ALAS1: variants seen among roughly 807,000 people sequenced by gnomAD.
The protein encoded by ALAS1 is 5'-aminolevulinate synthase 1, also known as 5-aminolevulinate synthase, non-specific, mitochondrial.
ALAS1 carries 29 observed loss-of-function variants against 59.6 expected under a neutral mutation model. That is an observed-to-expected ratio of 0.49 (90% CI 0.36 to 0.66). The LOEUF is 0.66. ALAS1 is among the 30% of genes least tolerant of loss of function. The pLI is 0.00. For missense variants in ALAS1, 690 were observed against 807.5 expected (o/e 0.85, Z 1.76); for synonymous variants, 299 against 296.6 (o/e 1.01, Z -0.08).
At chr3:52,205,011 AG>A in intron 6 of ALAS1, 96 bp downstream of exon 6, 2 of 1,037,808 alleles carry the variant, frequency 1.9e-6, no homozygotes, top group Non-Finnish European at 2.9e-6. Context: ...AACATTCAGT[AG>A]CTGAAAGTGT....
rs1699298961 is a variant in ALAS1 at position 52,206,745 on chromosome 3, A to G, written c.1159A>G (p.Met387Val). The G allele has an allele frequency of 6.2e-7, 1 of 1,614,086 alleles. No individual in the cohort carries two copies. Among genetic ancestry groups the G allele is most frequent in the Non-Finnish European group, 8.5e-7 (1 of 1,179,974 alleles). Residue 387 changes from methionine to valine, a missense_variant, in exon 8 of 12, where the codon ATG (methionine) becomes GTG (valine). Met to Val is a conservative substitution (Grantham distance 21). Transcript: ENST00000484952. Reference sequence around the variant, plus strand: ...TGTGGCATTTGAAACTGTCCATTCAATGGATGGTAAGTGTGGATAGAGGTT... The same window carrying G: ...TGTGGCATTTGAAACTGTCCATTCAGTGGATGGTAAGTGTGGATAGAGGTT... ...KIVAFETVHS[M>V]DGAVCPLEEL...
intron 8 of ALAS1, among the ~76,000 whole-genome samples, chr3:52,207,105 G>A (rs545245572): frequency 1.4e-4 from 21 of 151,076 alleles, no homozygotes; most frequent in East Asian, 7.8e-4. Context: ...CTGGGTTCAC[G>A]CCATTCTCCT....
At chr3:52,203,237 C>G (rs1381831845) in intron 4 of ALAS1, among the ~76,000 whole-genome samples, 6 of 152,120 alleles carry the variant, frequency 3.9e-5, no homozygotes, top group African/African-American at 1.4e-4. Context: ...AAATTGTTTT[C>G]TATGAAGAAA....
At position 52,208,156 on chromosome 3, in the gene ALAS1, C is replaced by T; in HGVS notation, c.1239C>T (p.Val413=). 1 of 1,612,856 alleles carries T rather than the reference C, an allele frequency of 6.2e-7. No individual in the cohort carries two copies. Among genetic ancestry groups the T allele is most frequent in the Non-Finnish European group, 8.5e-7 (1 of 1,179,322 alleles). ...EFGAITFVDE[V]HAVGLYGARG... ...GAGCAATCACCTTCGTGGATGAGGT[C>T]CACGCAGTGGGGCTTTATGGGGCTC... Residue 413 remains valine, a synonymous_variant, in exon 9 of 12, where the codon GTC becomes GTT. Transcript: ENST00000484952.
chr3:52,213,097 C>T (rs1243174140), intron 11 of ALAS1, among the ~76,000 whole-genome samples: 1 of 152,200 alleles, frequency 6.6e-6, no homozygotes, highest in South Asian at 2.1e-4. Context: ...CACCACTGCC[C>T]TCTACTCCAT....
intron 11 of ALAS1, among the ~76,000 whole-genome samples, chr3:52,212,796 G>T (rs1164401769): frequency 1.3e-5 from 2 of 152,178 alleles, no homozygotes; most frequent in Non-Finnish European, 2.9e-5. Flanking sequence ...CTTCCAAAGT[G>T]CTGGGATTAC....
intron 5 of ALAS1, 151 bp from the exon 6 acceptor site, chr3:52,204,542 G>T: frequency 1.5e-6 from 1 of 667,770 alleles, no homozygotes; most frequent in Non-Finnish European, 2.6e-6. Flanking sequence ...AGCCAAACAC[G>T]ACATACAGTC....
intron 6 of ALAS1, 92 bp downstream of exon 6, chr3:52,205,007 C>T: frequency 1.8e-6 from 2 of 1,085,912 alleles, no homozygotes; most frequent in Non-Finnish European, 2.7e-6. Flanking sequence ...AGGGAACATT[C>T]AGTAGCTGAA....
chr3:52,212,698 AT>A (rs1180066305), intron 11 of ALAS1, among the ~76,000 whole-genome samples: 1 of 151,716 alleles, frequency 6.6e-6, no homozygotes, highest in East Asian at 1.9e-4. Flanking sequence ...CGCCTGGCTG[AT>A]TTTGTATTTT....
At position 52,211,467 on chromosome 3, in the gene ALAS1, G is replaced by A. The variant is rs772796660; in HGVS notation, c.1515G>A (p.Gln505=). The A allele has an allele frequency of 2.5e-6, 4 of 1,614,242 alleles. No individual in the cohort carries two copies. The highest frequency in any genetic ancestry group is 3.4e-6 in the Non-Finnish European group (4 of 1,180,042). The change falls in exon 10 of 12, where the codon CAG becomes CAA. Residue 505 remains glutamine, a synonymous_variant. Transcript: ENST00000484952. ...GACGGGTGCTTCGCCGCCAGCACCAGCGCAACGTCAAACTCATGAGACAGA... is the reference window on the plus strand; with the variant it reads ...GACGGGTGCTTCGCCGCCAGCACCAACGCAACGTCAAACTCATGAGACAGA... ...AEGRVLRRQH[Q]RNVKLMRQML...
At chr3:52,205,693 T>C in intron 6 of ALAS1, 146 bp from the exon 7 acceptor site, 1 of 708,240 alleles carries the variant, frequency 1.4e-6, no homozygotes, top group Non-Finnish European at 2.3e-6. Flanking sequence ...ATGAAATCAG[T>C]TGAAATTTCT....
chr3:52,198,751 C>T lies in ALAS1; in HGVS notation c.-130C>T, dbSNP rs1577958607. 6.6e-7 allele frequency: 1 copy of T among 1,513,844 alleles called. No individual in the cohort carries two copies. Among genetic ancestry groups the T allele is most frequent in the African/African-American group, 1.4e-5 (1 of 72,716 alleles). 93.8% of individuals were successfully genotyped at this position (1,513,844 alleles called of 1,614,324 possible). Reference sequence around the variant, plus strand: ...AGGGACTCGGGACCCTGCTGGACCCCTTCCTCGGGTTTAGGGGATGTGGGG... The same window carrying T: ...AGGGACTCGGGACCCTGCTGGACCCTTTCCTCGGGTTTAGGGGATGTGGGG... On this transcript the variant is annotated 5_prime_UTR_variant, in exon 2 of 12. Coordinates refer to ENST00000484952, the MANE Select transcript of ALAS1 (RefSeq NM_000688.6).
intron 3 of ALAS1, 38 bp from the exon 4 acceptor site, chr3:52,202,469 C>G: frequency 6.5e-7 from 1 of 1,536,812 alleles, no homozygotes; most frequent in Non-Finnish European, 9.0e-7. Flanking sequence ...ACTGTGCAAC[C>G]AGATCTGATG....
At chr3:52,205,277 A>G (rs1215469420) in intron 6 of ALAS1, among the ~76,000 whole-genome samples, 2 of 152,206 alleles carry the variant, frequency 1.3e-5, no homozygotes, top group African/African-American at 4.8e-5. Context: ...CGCTAGAGAA[A>G]AAGCTACTCC....
At chr3:52,199,045 C>A (rs1699130940) in intron 2 of ALAS1, among the ~76,000 whole-genome samples, 165 bp from the exon 3 acceptor site, 1 of 152,180 alleles carries the variant, frequency 6.6e-6, no homozygotes, top group African/African-American at 2.4e-5. Flanking sequence ...AAAGTGTGGT[C>A]ACCATTCCTT....
chr3:52,204,569 T>G, intron 5 of ALAS1, 124 bp from the exon 6 acceptor site: 1 of 724,948 alleles, frequency 1.4e-6, no homozygotes. Flanking sequence ...ACTTACAAGA[T>G]GAGGACATCA....
At chr3:52,204,576 A>G in intron 5 of ALAS1, 117 bp from the exon 6 acceptor site, 1 of 777,852 alleles carries the variant, frequency 1.3e-6, no homozygotes, top group Non-Finnish European at 2.1e-6. Context: ...AGATGAGGAC[A>G]TCAAATAACC....
chr3:52,204,788 C>T lies in ALAS1; in HGVS notation c.673C>T (p.Arg225Ter), dbSNP rs1191585292. The change falls in exon 6 of 12, where the codon CGA (arginine) becomes TGA (stop). Residue 225 changes from arginine to a stop codon, truncating the protein, a stop_gained. Transcript: ENST00000484952. LOFTEE classifies it high-confidence loss of function. ...TYRVFKTVNR[R>*]AHIFPMADDY... ...TCGAGTTTTTAAAACTGTGAACCGGCGAGCACACATCTTCCCCATGGCAGA... is the reference window on the plus strand; with the variant it reads ...TCGAGTTTTTAAAACTGTGAACCGGTGAGCACACATCTTCCCCATGGCAGA... The T allele has an allele frequency of 1.2e-6, 2 of 1,614,104 alleles. No individual in the cohort carries two copies. The highest frequency in any genetic ancestry group is 8.5e-7 in the Non-Finnish European group (1 of 1,180,014).
At chr3:52,207,276 T>A (rs994475925) in intron 8 of ALAS1, among the ~76,000 whole-genome samples, 1 of 152,158 alleles carries the variant, frequency 6.6e-6, no homozygotes, top group Non-Finnish European at 1.5e-5. Flanking sequence ...GAGCTGGAAT[T>A]ACAGGTGTGA....
Sources: gnomAD v4.1 joint callset for allele counts (sites outside exome capture counted in the v4.1 genomes callset) on GRCh38, gnomAD v4.1.1 for gene constraint, MANE v1.5 for transcripts, NCBI Gene and HGNC (gene_info 2026-07-23, HGNC 2026-07-21) for gene names.